Variants in MCEE observed in about 807,000 individuals in gnomAD.
The protein encoded by MCEE is methylmalonyl-CoA epimerase, mitochondrial.
Under a neutral mutation model 12.9 loss-of-function variants are expected in MCEE, and 6 were observed. That is an observed-to-expected ratio of 0.47 (90% CI 0.26 to 0.92). MCEE has a LOEUF of 0.92. Among genes scored for constraint, MCEE ranks in the 40% least tolerant of loss-of-function variants. MCEE has a pLI of 0.16. For synonymous variants in MCEE, 78 were observed against 77.9 expected (o/e 1.00, Z -0.01); for missense variants, 214 against 212.1 (o/e 1.01, Z -0.05).
intron 2 of MCEE, among the ~76,000 whole-genome samples, chr2:71,115,137 C>T (rs1672965942): frequency 6.6e-6 from 1 of 152,206 alleles, no homozygotes; most frequent in South Asian, 2.1e-4. Context: ...TGCCTATAAT[C>T]CCAGCACTTA....
chr2:71,124,937 T>G (rs1303616088), intron 1 of MCEE, among the ~76,000 whole-genome samples: 1 of 152,002 alleles, frequency 6.6e-6, no homozygotes, highest in African/African-American at 2.4e-5. Context: ...CCCAATTTTT[T>G]GTCTTATATT....
At chr2:71,125,211 A>ATATATTTTTTT in intron 1 of MCEE, among the ~76,000 whole-genome samples, 1,294 of 48,398 alleles carry the variant, frequency 0.027, 48 homozygotes, top group East Asian at 0.087. Flanking sequence ...ATATATATAT[A>ATATATTTTTTT]TTTTTTTTTT....
intron 2 of MCEE, among the ~76,000 whole-genome samples, chr2:71,123,492 CAAA>C (rs58746349): frequency 7.7e-5 from 8 of 104,014 alleles, no homozygotes; most frequent in South Asian, 3.0e-4. Flanking sequence ...GACTCCGTCT[CAAA>C]AAAAAAAAAA....
chr2:71,118,691 C>G (rs980825681), intron 2 of MCEE, among the ~76,000 whole-genome samples: 1 of 149,902 alleles, frequency 6.7e-6, no homozygotes, highest in Admixed American at 6.6e-5. Flanking sequence ...GCCTACTGCT[C>G]ATGAATGAGG....
At chr2:71,110,382 T>A (rs1672863316) in intron 2 of MCEE, among the ~76,000 whole-genome samples, 1 of 152,242 alleles carries the variant, frequency 6.6e-6, no homozygotes, top group Non-Finnish European at 1.5e-5. Flanking sequence ...ATCTAAATCA[T>A]GTATGATATA....
chr2:71,125,768 G>A (rs1463169735), intron 1 of MCEE, among the ~76,000 whole-genome samples: 4 of 152,210 alleles, frequency 2.6e-5, no homozygotes, highest in South Asian at 4.1e-4. Context: ...AACAAGAATG[G>A]CCTGAATTTA....
intron 2 of MCEE, 147 bp from the exon 3 acceptor site, chr2:71,110,269 T>A: frequency 1.4e-6 from 1 of 728,714 alleles, no homozygotes; most frequent in South Asian, 1.7e-5. Context: ...TCATAAAAAA[T>A]AAGCTTAAAA....
In MCEE at chr2:71,109,796, A is replaced by G. The variant is rs1391957542; in HGVS notation, c.*174T>C. 3 of 391,780 alleles carry G rather than the reference A, an allele frequency of 7.7e-6. No individual in the cohort carries two copies. Among genetic ancestry groups the G allele is most frequent in the Non-Finnish European group, 1.3e-5 (3 of 226,014 alleles). The allele number at this position is 391,780 out of a possible 1,614,324, so 24.3% of individuals were successfully genotyped here. On this transcript the variant is annotated 3_prime_UTR_variant, in exon 3 of 3. Transcript: ENST00000244217. ...AACAAATATGTTTGTTAATCTAAAT[A>G]ATATACATATTTATGTATTTATATA...
chr2:71,122,594 T>C (rs6756262), intron 2 of MCEE, among the ~76,000 whole-genome samples: 42,885 of 152,080 alleles, frequency 0.28, 7,122 homozygotes, highest in East Asian at 0.66. Flanking sequence ...GAGAGACAGA[T>C]TGGGCAGGGA....
chr2:71,130,073 G>T, intron 1 of MCEE, 107 bp downstream of exon 1: 1 of 1,139,232 alleles, frequency 8.8e-7, no homozygotes, highest in Non-Finnish European at 1.3e-6. Flanking sequence ...CCCCGGGGGA[G>T]GACATTAGAT....
At chr2:71,111,625 G>A (rs989253499) in intron 2 of MCEE, among the ~76,000 whole-genome samples, 4 of 152,156 alleles carry the variant, frequency 2.6e-5, no homozygotes, top group Admixed American at 6.5e-5. Context: ...TCGAAGCTCC[G>A]ATGAAGACAT....
rs535204532 is a variant in MCEE at position 71,126,989 on chromosome 2, T to C, written c.41-2446A>G. On this transcript the variant is annotated intron_variant, in intron 1 of 2. Coordinates refer to ENST00000244217, the MANE Select transcript of MCEE (RefSeq NM_032601.4). ...CCCATTTCAGAATAGTGCAGCAGAA[T>C]TGCATTATTTTGAATTCTGCAATGT... 1.2e-4 allele frequency among the ~76,000 whole-genome samples: 19 copies of C among 152,358 alleles called. No homozygotes were observed. In the South Asian group the frequency reaches 3.1e-3, roughly 25 times the overall value.
intron 2 of MCEE, among the ~76,000 whole-genome samples, chr2:71,111,487 T>C (rs9653505): frequency 0.013 from 1,915 of 152,286 alleles, 36 homozygotes; most frequent in African/African-American, 0.042. Flanking sequence ...CCCTTCTGAG[T>C]ACTCTTCCCA....
intron 1 of MCEE, among the ~76,000 whole-genome samples, chr2:71,124,800 T>G (rs1008825561): frequency 6.6e-6 from 1 of 152,140 alleles, no homozygotes; most frequent in Non-Finnish European, 1.5e-5. Flanking sequence ...GGATAACATT[T>G]TTTCATAACA....
chr2:71,123,478 G>A lies in MCEE; in HGVS notation c.378+728C>T, dbSNP rs1320144467. On this transcript the variant is annotated intron_variant, in intron 2 of 2. Transcript: ENST00000244217. ...ACTGCACTTCAGCCTGGGCGACAGA[G>A]TAAGACTCCGTCTCAAAAAAAAAAA... 2.2e-5 allele frequency among the ~76,000 whole-genome samples: 3 copies of A among 138,522 alleles called. No homozygotes were observed. The Admixed American group carries it at 2.3e-4, about 10-fold the overall frequency. 90.9% of individuals were successfully genotyped at this position (138,522 alleles called of 152,430 possible). A position where few individuals can be genotyped will look rare whatever the true frequency, so the allele number is the denominator to read the frequency against.
chr2:71,124,077 A>C, intron 2 of MCEE, 129 bp downstream of exon 2: 1 of 688,946 alleles, frequency 1.5e-6, no homozygotes, highest in Non-Finnish European at 2.5e-6. Context: ...AGGAGGATGA[A>C]TATTATCATT....
intron 2 of MCEE, among the ~76,000 whole-genome samples, chr2:71,122,456 G>A (rs751249376): frequency 2.6e-5 from 4 of 152,150 alleles, no homozygotes; most frequent in East Asian, 1.9e-4. Flanking sequence ...AGACATACCC[G>A]AGACTGGGCA....
intron 2 of MCEE, among the ~76,000 whole-genome samples, chr2:71,114,674 T>C (rs1187085962): frequency 6.6e-6 from 1 of 152,218 alleles, no homozygotes; most frequent in African/African-American, 2.4e-5. Flanking sequence ...CCAAAAGATT[T>C]CCCTTTAATT....
At chr2:71,120,338 C>G (rs1673075230) in intron 2 of MCEE, among the ~76,000 whole-genome samples, 1 of 149,940 alleles carries the variant, frequency 6.7e-6, no homozygotes, top group Non-Finnish European at 1.5e-5. Flanking sequence ...GGAAGGTGAC[C>G]CCCCTCTTGC....
Sources: gnomAD v4.1 joint callset for allele counts (sites outside exome capture counted in the v4.1 genomes callset) on GRCh38, gnomAD v4.1.1 for gene constraint, MANE v1.5 for transcripts, NCBI Gene and HGNC (gene_info 2026-07-23, HGNC 2026-07-21) for gene names.